The following ASTN2 variants were observed in gnomAD, a reference collection of about 807,000 sequenced individuals.
ASTN2 encodes astrotactin-2.
A neutral mutation model predicts 139.8 loss-of-function variants in ASTN2; 54 were observed. That is an observed-to-expected ratio of 0.39 (90% CI 0.31 to 0.48). ASTN2 has a LOEUF of 0.48. Among genes scored for constraint, ASTN2 ranks in the 20% least tolerant of loss-of-function variants. ASTN2 has a pLI of 0.95. For synonymous variants in ASTN2, 756 were observed against 719.5 expected (o/e 1.05, Z -0.81); for missense variants, 1,565 against 1,725.1 (o/e 0.91, Z 1.64).
chr9:116,586,825 CATACAT>C (rs55719267), intron 19 of ASTN2, among the ~76,000 whole-genome samples: 27,369 of 117,200 alleles, frequency 0.23, 3,105 homozygotes, highest in African/African-American at 0.35. Flanking sequence ...CACACACACA[CATACAT>C]ACACACACAC....
chr9:116,537,403 C>T (rs535880359), intron 19 of ASTN2, among the ~76,000 whole-genome samples: 23 of 152,322 alleles, frequency 1.5e-4, no homozygotes, highest in Non-Finnish European at 2.8e-4. Flanking sequence ...TTGATAACTT[C>T]ACATTCATTT....
intron 1 of ASTN2, among the ~76,000 whole-genome samples, chr9:117,308,600 G>A (rs1835062074): frequency 2.0e-5 from 3 of 152,172 alleles, no homozygotes; most frequent in African/African-American, 7.2e-5. Flanking sequence ...CAAGTGCACT[G>A]CAGAGTCATT....
chr9:116,561,109 AGAGT>A (rs1852890305), intron 19 of ASTN2, among the ~76,000 whole-genome samples: 1 of 152,156 alleles, frequency 6.6e-6, no homozygotes, highest in Non-Finnish European at 1.5e-5. Flanking sequence ...TAAGAGAGAG[AGAGT>A]GTGTCCCTGC....
chr9:116,497,744 A>G (rs1849713799), intron 19 of ASTN2, among the ~76,000 whole-genome samples: 1 of 152,088 alleles, frequency 6.6e-6, no homozygotes, highest in Non-Finnish European at 1.5e-5. Context: ...GGGATGAAGG[A>G]AGGCCAAGTT....
rs374483218 is a variant in ASTN2, at chr9:116,975,243, G to T, written c.1854C>A (p.Thr618=). The T allele has an allele frequency of 6.2e-7, 1 of 1,613,068 alleles. No homozygotes were observed. Among genetic ancestry groups the T allele is most frequent in the Non-Finnish European group, 8.5e-7 (1 of 1,179,458 alleles). The change falls in exon 10 of 23, where the codon ACC becomes ACA. Residue 618 remains threonine, a synonymous_variant. Transcript: ENST00000313400. ...LSINPLASCK[T]DVLVTEDPAD... Reference sequence around the variant, plus strand: ...CAGGGTCTTCCGTGACGAGCACATCGGTCTTGCAGCTGGCCAGGGGGTTGA... The same window carrying T: ...CAGGGTCTTCCGTGACGAGCACATCTGTCTTGCAGCTGGCCAGGGGGTTGA...
chr9:117,293,184 C>T (rs1834638128), intron 1 of ASTN2, among the ~76,000 whole-genome samples: 2 of 152,124 alleles, frequency 1.3e-5, no homozygotes, highest in Admixed American at 6.5e-5. Flanking sequence ...GAAAATCCTT[C>T]CAAAGTCATC....
At chr9:117,003,997 G>A (rs1238769269) in intron 7 of ASTN2, among the ~76,000 whole-genome samples, 1 of 144,814 alleles carries the variant, frequency 6.9e-6, no homozygotes, top group Non-Finnish European at 1.5e-5. Flanking sequence ...TGGGGTACTG[G>A]TTAGGGTGGC....
intron 16 of ASTN2, 143 bp from the exon 17 acceptor site, chr9:116,651,936 T>A (rs997339028): frequency 1.1e-5 from 12 of 1,046,794 alleles, no homozygotes; most frequent in African/African-American, 1.6e-5. Context: ...TTATTCATGA[T>A]GCCTTGGAAA....
intron 1 of ASTN2, among the ~76,000 whole-genome samples, chr9:117,347,891 A>G (rs148320956): frequency 6.6e-6 from 1 of 152,336 alleles, no homozygotes; most frequent in East Asian, 1.9e-4. Context: ...TTATATGTCC[A>G]GCTTTCTGAA....
chr9:117,138,151 T>C (rs182625651), intron 4 of ASTN2, among the ~76,000 whole-genome samples: 1 of 152,194 alleles, frequency 6.6e-6, no homozygotes, highest in Admixed American at 6.5e-5. Context: ...AGGAGGATAG[T>C]AGACAAGCAA....
chr9:116,889,448 C>T (rs763306015), intron 10 of ASTN2, among the ~76,000 whole-genome samples: 1 of 152,150 alleles, frequency 6.6e-6, no homozygotes, highest in Non-Finnish European at 1.5e-5. Flanking sequence ...GTTCACCTCC[C>T]TGGCTTCCGG....
chr9:117,278,217 G>A (rs1450902718), intron 2 of ASTN2, among the ~76,000 whole-genome samples: 1 of 152,194 alleles, frequency 6.6e-6, no homozygotes, highest in Non-Finnish European at 1.5e-5. Context: ...GTCCTATTGA[G>A]GAGAACGTTC....
intron 17 of ASTN2, among the ~76,000 whole-genome samples, chr9:116,644,423 T>C (rs809171): frequency 0.58 from 88,186 of 151,980 alleles, 26,077 homozygotes; most frequent in East Asian, 0.86. Flanking sequence ...CTTCAAAACA[T>C]TGAAAGTCTC....
intron 10 of ASTN2, among the ~76,000 whole-genome samples, chr9:116,907,474 G>C (rs1834194107): frequency 6.6e-6 from 1 of 152,204 alleles, no homozygotes; most frequent in East Asian, 1.9e-4. Context: ...TCTGACCTCT[G>C]TTTCGGAGTG....
intron 11 of ASTN2, among the ~76,000 whole-genome samples, chr9:116,823,643 A>G (rs1330320114): frequency 6.6e-6 from 1 of 152,164 alleles, no homozygotes; most frequent in Non-Finnish European, 1.5e-5. Context: ...ACTTCCCTTC[A>G]GGTTAAAGCA....
chr9:117,220,091 G>A (rs1195404707), intron 2 of ASTN2, among the ~76,000 whole-genome samples: 1 of 152,132 alleles, frequency 6.6e-6, no homozygotes, highest in Non-Finnish European at 1.5e-5. Context: ...CAAAGGTCTG[G>A]ATAAAGGATC....
chr9:116,772,222 C>T (rs7863005), intron 13 of ASTN2, among the ~76,000 whole-genome samples: 3,902 of 152,222 alleles, frequency 0.026, 144 homozygotes, highest in African/African-American at 0.074. Flanking sequence ...CCCATAATCC[C>T]CACATGTCAC....
At chr9:117,259,662 G>C (rs892761698) in intron 2 of ASTN2, among the ~76,000 whole-genome samples, 7 of 152,124 alleles carry the variant, frequency 4.6e-5, no homozygotes, top group Non-Finnish European at 1.0e-4. Context: ...CTATGGCCTA[G>C]AAGTCCCTGC....
chr9:116,526,079 T>C (rs895715457), intron 19 of ASTN2, among the ~76,000 whole-genome samples: 1 of 152,202 alleles, frequency 6.6e-6, no homozygotes, highest in Non-Finnish European at 1.5e-5. Flanking sequence ...AAGACCTCTG[T>C]TATCCAAAAC....
Sources: allele counts gnomAD v4.1 joint callset (sites outside exome capture counted in the v4.1 genomes callset), GRCh38; gene constraint gnomAD v4.1.1; transcripts MANE v1.5; gene names NCBI Gene and HGNC (gene_info 2026-07-23, HGNC 2026-07-21).